RAP1A: variants seen among roughly 807,000 people sequenced by gnomAD.
RAP1A encodes the protein RAP1A, member of RAS oncogene family.
Under a neutral mutation model 26.4 loss-of-function variants are expected in RAP1A, and 6 were observed. The ratio of observed to expected loss-of-function variants is 0.23; its 90% confidence interval spans 0.12 to 0.45. The LOEUF (loss-of-function observed/expected upper bound fraction) is 0.45. Ranked by LOEUF, RAP1A falls within the 20% of genes least tolerant of loss-of-function variation. RAP1A has a pLI of 0.99. For synonymous variants in RAP1A, 73 were observed against 79.4 expected (o/e 0.92, Z 0.43); for missense variants, 121 against 217.2 (o/e 0.56, Z 2.78).
chr1:111,691,102 T>C (rs2101244589), intron 1 of RAP1A, among the ~76,000 whole-genome samples: 1 of 152,344 alleles, frequency 6.6e-6, no homozygotes, highest in East Asian at 1.9e-4. Flanking sequence ...AGAAGTAATA[T>C]GAACATAATT....
chr1:111,584,466 C>T (rs947098556), intron 1 of RAP1A, among the ~76,000 whole-genome samples: 3 of 152,076 alleles, frequency 2.0e-5, no homozygotes, highest in African/African-American at 7.2e-5. Context: ...CCTTACAAGA[C>T]AGAAGGAGCA....
In RAP1A at chr1:111,612,599, T is replaced by C. The variant is rs1173874981; in HGVS notation, c.-28+70090T>C. Among the ~76,000 whole-genome samples the C allele has an allele frequency of 3.9e-5, 6 of 152,288 alleles. No individual in the cohort carries two copies. The East Asian group carries it at 9.6e-4, about 24-fold the overall frequency. On this transcript the variant is annotated intron_variant, in intron 1 of 7. Coordinates refer to the RAP1A transcript ENST00000356415. Reference sequence around the variant, plus strand: ...CTGAAAATATAGAAACTGTTTTCAATGGCCATCAAGAAACCAACTGTATTG... The same window carrying C: ...CTGAAAATATAGAAACTGTTTTCAACGGCCATCAAGAAACCAACTGTATTG...
chr1:111,593,248 T>C (rs2101067380), intron 1 of RAP1A, among the ~76,000 whole-genome samples: 1 of 152,284 alleles, frequency 6.6e-6, no homozygotes, highest in Middle Eastern at 3.4e-3. Context: ...CGTTCTCTTG[T>C]GTTTACAAGT....
chr1:111,662,407 A>G (rs1487185315), intron 1 of RAP1A, among the ~76,000 whole-genome samples: 3 of 152,106 alleles, frequency 2.0e-5, no homozygotes, highest in Admixed American at 6.5e-5. Flanking sequence ...AAAAAAAAAA[A>G]AAAAAAAAAA....
At chr1:111,566,735 T>C (rs1657925830) in intron 1 of RAP1A, among the ~76,000 whole-genome samples, 1 of 152,058 alleles carries the variant, frequency 6.6e-6, no homozygotes, top group Non-Finnish European at 1.5e-5. Flanking sequence ...AGGAGAAATG[T>C]ACTTGGGGTT....
intron 7 of RAP1A, among the ~76,000 whole-genome samples, chr1:111,711,935 G>C (rs1202648727): frequency 2.0e-5 from 3 of 152,134 alleles, no homozygotes; most frequent in Non-Finnish European, 4.4e-5. Context: ...ATGGGGATTA[G>C]CTCTTTCTGT....
At chr1:111,572,840 C>T (rs1571477665) in intron 1 of RAP1A, among the ~76,000 whole-genome samples, 1 of 152,120 alleles carries the variant, frequency 6.6e-6, no homozygotes, top group Admixed American at 6.5e-5. Flanking sequence ...ATTATTTTAT[C>T]ACCCCGGTAC....
intron 1 of RAP1A, among the ~76,000 whole-genome samples, chr1:111,629,961 A>G (rs1202454470): frequency 6.6e-6 from 1 of 152,250 alleles, no homozygotes; most frequent in Non-Finnish European, 1.5e-5. Context: ...TCCTTAAACT[A>G]TAGCTGAGAG....
Position 111,645,492 on chromosome 1 carries a change from C to G in RAP1A, c.-28+25558C>G, listed in dbSNP as rs957270204. Among the ~76,000 whole-genome samples, 5 of 152,214 alleles carry G rather than the reference C, an allele frequency of 3.3e-5. No homozygotes were observed. The South Asian group carries it at 1.0e-3, about 32-fold the overall frequency. On this transcript the variant is annotated intron_variant, in intron 1 of 7. Coordinates refer to ENST00000369709, the MANE Select transcript of RAP1A (RefSeq NM_002884.4). The stretch of plus-strand genomic sequence containing the variant: ...CAGTTATATAATAATATTTTCTCCA[C>G]CAATGAAGAGAAAGTTTAAGATTCA...
intron 1 of RAP1A, among the ~76,000 whole-genome samples, chr1:111,647,174 ATT>A (rs1197512534): frequency 1.7e-4 from 26 of 152,114 alleles, no homozygotes; most frequent in African/African-American, 3.1e-4. Flanking sequence ...GTGGCATTAG[ATT>A]CTCATAGGAG....
At chr1:111,618,924 T>C (rs1017067012), upstream of RAP1A, among the ~76,000 whole-genome samples, 3 of 152,246 alleles carry the variant, frequency 2.0e-5, no homozygotes, top group African/African-American at 7.2e-5. Flanking sequence ...ACATCTGTGC[T>C]TCTCCATTGT....
chr1:111,583,610 T>C (rs1658305045), intron 1 of RAP1A, among the ~76,000 whole-genome samples: 1 of 152,110 alleles, frequency 6.6e-6, no homozygotes, highest in African/African-American at 2.4e-5. Context: ...ACACAAAAGA[T>C]TAATGCATAA....
intron 1 of RAP1A, among the ~76,000 whole-genome samples, chr1:111,658,082 T>C (rs1660520324): frequency 6.6e-6 from 1 of 152,188 alleles, no homozygotes; most frequent in South Asian, 2.1e-4. Context: ...GAAAATAATA[T>C]ATATTCTTTC....
chr1:111,688,096 G>GC (rs1661546118), intron 1 of RAP1A, among the ~76,000 whole-genome samples: 1 of 83,348 alleles, frequency 1.2e-5, no homozygotes, highest in South Asian at 4.1e-4. Flanking sequence ...TTTGCCTCCA[G>GC]CTTTTTTTTT....
intron 6 of RAP1A, chr1:111,706,609 C>T (rs1662201801): frequency 3.1e-6 from 2 of 643,764 alleles, no homozygotes; most frequent in South Asian, 1.4e-4. Context: ...ATCAAGACAA[C>T]CCAATTTAGG....
intron 1 of RAP1A, among the ~76,000 whole-genome samples, chr1:111,656,825 T>C (rs1323792987): frequency 6.6e-6 from 1 of 152,104 alleles, no homozygotes; most frequent in Non-Finnish European, 1.5e-5. Flanking sequence ...AATTGTGTTG[T>C]ATTTTTTTAT....
chr1:111,558,341 C>G (rs1178345260), intron 1 of RAP1A, among the ~76,000 whole-genome samples: 2 of 122,862 alleles, frequency 1.6e-5, no homozygotes, highest in Admixed American at 1.5e-4. Context: ...CCACTCCCAG[C>G]TAATTTTTCT....
chr1:111,678,799 C>T (rs544814), intron 1 of RAP1A, among the ~76,000 whole-genome samples: 17,978 of 151,350 alleles, frequency 0.12, 1,406 homozygotes, highest in East Asian at 0.21. Context: ...CCTGCAACTT[C>T]GCTAAATTCA....
chr1:111,667,198 C>T (rs894808595), intron 1 of RAP1A, among the ~76,000 whole-genome samples: 2 of 152,076 alleles, frequency 1.3e-5, no homozygotes, highest in African/African-American at 2.4e-5. Flanking sequence ...TGGAGGGTAA[C>T]GGTTCTTTGC....
Sources: allele counts gnomAD v4.1 joint callset (sites outside exome capture counted in the v4.1 genomes callset), GRCh38; gene constraint gnomAD v4.1.1; transcripts MANE v1.5; gene names NCBI Gene and HGNC (gene_info 2026-07-23, HGNC 2026-07-21).